Variants in TMC8 observed in about 807,000 individuals in gnomAD.
The protein encoded by TMC8 is transmembrane channel-like protein 8.
In TMC8, 71 loss-of-function variants were observed where a neutral mutation model predicts 76.0. The observed-to-expected ratio is 0.93, with a 90% CI of 0.77 to 1.14. TMC8 has a LOEUF of 1.14. Among genes scored for constraint, TMC8 ranks in the 50% most tolerant of loss-of-function variants. The probability of loss-of-function intolerance (pLI) is 0.00; values close to 1 mark genes in which losing one functional copy is unlikely to be tolerated. For synonymous variants in TMC8, 433 were observed against 433.8 expected (o/e 1.00, Z 0.02); for missense variants, 924 against 947.9 (o/e 0.97, Z 0.33).
chr17:78,132,250 G>T, intron 3 of TMC8, 109 bp from the exon 4 acceptor site: 1 of 1,445,286 alleles, frequency 6.9e-7, no homozygotes. Flanking sequence ...TCGGGCGGGT[G>T]GGAGCCTGGC....
chr17:78,133,125 AG>A (rs1162555588), intron 5 of TMC8, among the ~76,000 whole-genome samples: 1 of 144,574 alleles, frequency 6.9e-6, no homozygotes, highest in African/African-American at 2.8e-5. Flanking sequence ...CCAGGGACAA[AG>A]GGGGAAAAGT....
intron 6 of TMC8, 150 bp from the exon 7 acceptor site, chr17:78,133,703 C>A: frequency 6.6e-7 from 1 of 1,515,772 alleles, no homozygotes; most frequent in Non-Finnish European, 8.9e-7. Context: ...ACCTTAGGAA[C>A]AGGGCCACCG....
intron 15 of TMC8, among the ~76,000 whole-genome samples, chr17:78,140,337 A>C (rs2075341277): frequency 6.6e-6 from 1 of 152,120 alleles, no homozygotes; most frequent in African/African-American, 2.4e-5. Flanking sequence ...AAAAAAAAAA[A>C]AAAATTACGA....
Position 78,131,508 on chromosome 17 carries a change from G to T in TMC8, c.-81G>T. On this transcript the variant is annotated 5_prime_UTR_variant, in exon 2 of 16. Transcript: ENST00000318430. ...AGCGTGCACAGAGGCCATAGCCAAGGCCTTAAGGCTCATCCAACCGGGGAC... is the reference window on the plus strand; with the variant it reads ...AGCGTGCACAGAGGCCATAGCCAAGTCCTTAAGGCTCATCCAACCGGGGAC... 3 of 1,523,760 alleles carry T rather than the reference G, an allele frequency of 2.0e-6. No individual in the cohort carries two copies. The South Asian group carries it at 3.6e-5, about 18-fold the overall frequency. The allele number at this position is 1,523,760 out of a possible 1,614,324, so 94.4% of individuals were successfully genotyped here.
rs764086912 is a variant in TMC8, at chr17:78,138,102, A to G, written c.1447A>G (p.Thr483Ala). 10 of 1,613,902 alleles carry G rather than the reference A, an allele frequency of 6.2e-6. No homozygotes were observed. In the South Asian group the frequency reaches 9.9e-5, roughly 16 times the overall value. Residue 483 changes from threonine to alanine, a missense_variant, in exon 12 of 16, where the codon ACG becomes GCG. Thr to Ala is a moderately conservative substitution (Grantham distance 58). Transcript: ENST00000318430. Reference sequence around the variant, plus strand: ...TGTGCTGGACATCGTGGCGGGGCAGACGGTCACCTGGATGGGCCTCTTCTA... The same window carrying G: ...TGTGCTGGACATCGTGGCGGGGCAGGCGGTCACCTGGATGGGCCTCTTCTA... ...KNVLDIVAGQTVTWMGLFYCP... is the reference protein window; with the variant it reads ...KNVLDIVAGQAVTWMGLFYCP...
At chr17:78,140,699 C>T (rs2075354000) in intron 15 of TMC8, 135 bp from the exon 16 acceptor site, 1 of 1,262,346 alleles carries the variant, frequency 7.9e-7, no homozygotes, top group Non-Finnish European at 1.1e-6. Context: ...GGGGCGTGGC[C>T]TCGGGCGGGG....
In TMC8 at chr17:78,139,253, G is replaced by A. The variant is rs752353680; in HGVS notation, c.1902+13G>A. Reference sequence around the variant, plus strand: ...GCAGCTGGTGTGGGTGAGTGTCCTCGGGGCTGGTGAGGGGACAGCAGCTTC... The same window carrying A: ...GCAGCTGGTGTGGGTGAGTGTCCTCAGGGCTGGTGAGGGGACAGCAGCTTC... On this transcript the variant is annotated intron_variant, in intron 15 of 15. Coordinates refer to ENST00000318430, the MANE Select transcript of TMC8 (RefSeq NM_152468.5). 23 of 1,612,994 alleles carry A rather than the reference G, an allele frequency of 1.4e-5. No individual in the cohort carries two copies. Among genetic ancestry groups the A allele is most frequent in the South Asian group, 8.8e-5 (8 of 91,076 alleles).
intron 14 of TMC8, 181 bp from the exon 15 acceptor site, chr17:78,138,981 G>A: frequency 6.5e-7 from 1 of 1,545,164 alleles, no homozygotes; most frequent in East Asian, 2.4e-5. Context: ...CTGTGCCAGA[G>A]GGGAGGGGAT....
Position 78,132,888 on chromosome 17 carries a change from C to T in TMC8, c.531+18C>T, listed in dbSNP as rs1406653734. Reference sequence around the variant, plus strand: ...CTGGCAGGGTGAGTGAGGTCTGTCCCGGCTATGGTCCAGAGTCTGGGAGAC... The same window carrying T: ...CTGGCAGGGTGAGTGAGGTCTGTCCTGGCTATGGTCCAGAGTCTGGGAGAC... On this transcript the variant is annotated intron_variant, in intron 5 of 15. Transcript: ENST00000318430. The T allele has an allele frequency of 5.0e-6, 8 of 1,613,660 alleles. No individual in the cohort carries two copies. Among genetic ancestry groups the T allele is most frequent in the African/African-American group, 4.0e-5 (3 of 74,934 alleles).
At chr17:78,137,959 G>C in intron 11 of TMC8, 46 bp from the exon 12 acceptor site, 6 of 1,610,682 alleles carry the variant, frequency 3.7e-6, no homozygotes, top group Non-Finnish European at 5.1e-6. Context: ...TACAGCCCAC[G>C]CATCTGTCTG....
In TMC8 at chr17:78,138,590, G is replaced by C. The variant is rs532569131; in HGVS notation, c.1681G>C (p.Asp561His). ...TCTCGCCAGCATCCACTCCTCCTGG[G>C]ACTGCGGCCTCTTCACCAACTACTC... ...YVVSSIHSSW[D>H]CGLFTNYSAP... Residue 561 changes from aspartate to histidine, a missense_variant, in exon 14 of 16, where the codon GAC becomes CAC. By Grantham distance (81) the Asp-to-His change is moderately conservative. Coordinates refer to ENST00000318430, the MANE Select transcript of TMC8 (RefSeq NM_152468.5). 8.1e-6 allele frequency: 13 copies of C among 1,613,922 alleles called. No homozygotes were observed. The Admixed American group carries it at 1.2e-4, about 14-fold the overall frequency.
rs370144998 is a variant in TMC8, at chr17:78,137,780, G to A, written c.1315G>A (p.Val439Met). ...KLSIFNFLLT[V>M]AFAFLVTLPR... ...GAGTATCTTCAACTTCCTCCTCACC[G>A]TGGCCTTCGCCTTCCTGGTCACCCT... is the stretch of plus-strand genomic sequence containing the variant. Residue 439 changes from valine (V) to methionine (M), a missense_variant, in exon 11 of 16, where the codon GTG (valine) becomes ATG (methionine). Val to Met is a conservative substitution (Grantham distance 21, BLOSUM62 1). Transcript: ENST00000318430. 1.8e-5 allele frequency: 29 copies of A among 1,613,452 alleles called. No homozygotes were observed. Among genetic ancestry groups the A allele is most frequent in the South Asian group, 1.2e-4 (11 of 91,090 alleles).
At chr17:78,134,287 G>A in intron 7 of TMC8, 107 bp from the exon 8 acceptor site, 2 of 1,331,934 alleles carry the variant, frequency 1.5e-6, no homozygotes, top group Non-Finnish European at 2.1e-6. Context: ...TTGTGACTGT[G>A]TATGTGAGCG....
chr17:78,133,360 G>A, intron 5 of TMC8, 46 bp from the exon 6 acceptor site: 1 of 1,613,240 alleles, frequency 6.2e-7, no homozygotes. Flanking sequence ...CACTTGAGCA[G>A]AGCCTGGTGC....
At position 78,135,413 on chromosome 17, in the gene TMC8, G is replaced by T. The variant is rs187014864; in HGVS notation, c.1127+404G>T. Among the ~76,000 whole-genome samples the T allele has an allele frequency of 7.7e-4, 117 of 152,266 alleles. 1 individual carries two copies. The highest frequency in any genetic ancestry group is 2.6e-3 in the African/African-American group (109 of 41,540). ...CCAGACCATCCTCATCCCCCTTGAGGGATGAGGAAACTGAGGTTCACATGA... is the reference window on the plus strand; with the variant it reads ...CCAGACCATCCTCATCCCCCTTGAGTGATGAGGAAACTGAGGTTCACATGA... On this transcript the variant is annotated intron_variant, in intron 9 of 15. Coordinates refer to ENST00000318430, the MANE Select transcript of TMC8 (RefSeq NM_152468.5).
chr17:78,135,084 C>G (rs1352976910), intron 9 of TMC8, 75 bp downstream of exon 9: 2 of 1,596,348 alleles, frequency 1.3e-6, no homozygotes, highest in Non-Finnish European at 1.7e-6. Flanking sequence ...TGGTTGTCAC[C>G]TGGCACCTGG....
chr17:78,140,993 GC>G lies in TMC8; in HGVS notation c.2066del (p.Pro689ArgfsTer101). The G allele has an allele frequency of 6.3e-7, 1 of 1,592,264 alleles. No individual in the cohort carries two copies. Among genetic ancestry groups the G allele is most frequent in the Non-Finnish European group, 8.5e-7 (1 of 1,170,452 alleles). The stretch of plus-strand genomic sequence containing the variant: ...ATGCCCTGGCTCCCCGGGCCACCAG[GC>G]CCCGCGGCCGGGCCCCTCCGTCGTG... The part of the protein sequence containing the change: ...CPCPGSPGHQ[A>X]PRPGPSVVDA... On this transcript the variant is annotated frameshift_variant, in exon 16 of 16. Coordinates refer to ENST00000318430, the MANE Select transcript of TMC8 (RefSeq NM_152468.5). LOFTEE classifies it low-confidence loss of function (END_TRUNC).
intron 9 of TMC8, chr17:78,137,021 G>A (rs965693744): frequency 2.3e-5 from 15 of 642,300 alleles, no homozygotes; most frequent in East Asian, 6.7e-5. Flanking sequence ...GAAACAAAAC[G>A]AAAACACAGA....
At chr17:78,137,681 G>C (rs373018672) in intron 10 of TMC8, 36 bp from the exon 11 acceptor site, 1 of 1,576,982 alleles carries the variant, frequency 6.3e-7, no homozygotes. Context: ...CGGGGTGGCC[G>C]TGAGTGGTGA....
Sources: allele counts gnomAD v4.1 joint callset (sites outside exome capture counted in the v4.1 genomes callset), GRCh38; gene constraint gnomAD v4.1.1; transcripts MANE v1.5; gene names NCBI Gene and HGNC (gene_info 2026-07-23, HGNC 2026-07-21).